Variants in CCR9 observed in about 807,000 individuals in gnomAD.
The protein encoded by CCR9 is C-C motif chemokine receptor 9.
A neutral mutation model predicts 8.7 loss-of-function variants in CCR9; 4 were observed. The observed-to-expected ratio is 0.46, with a 90% CI of 0.23 to 1.06. The LOEUF (loss-of-function observed/expected upper bound fraction) is 1.06. Among genes scored for constraint, CCR9 ranks in the 50% least tolerant of loss-of-function variants. The pLI is 0.21. For synonymous variants in CCR9, 159 were observed against 168.8 expected, an observed-to-expected ratio of 0.94 and a Z score of 0.45; for missense variants, 394 against 453.6, an observed-to-expected ratio of 0.87 and a Z score of 1.19.
In CCR9 at chr3:45,901,937, T is replaced by A; in HGVS notation, c.*39T>A. 6.6e-7 allele frequency: 1 copy of A among 1,508,514 alleles called. No homozygotes were observed. Among genetic ancestry groups the A allele is most frequent in the Non-Finnish European group, 8.9e-7 (1 of 1,122,626 alleles). 93.4% of individuals were successfully genotyped at this position (1,508,514 alleles called of 1,614,324 possible). On this transcript the variant is annotated 3_prime_UTR_variant, in exon 3 of 3. Transcript: ENST00000357632. This position sits in a 1 kb window ranked among gnomAD's most constrained non-coding sequence, Gnocchi z 4.3. ...AGGTGCATGGTTCTTTTGGAAGAAA[T>A]GAGAAATACAGAAACAGTTTCCCCA...
intron 2 of CCR9, among the ~76,000 whole-genome samples, chr3:45,896,707 A>C (rs1702368157): frequency 6.6e-6 from 1 of 152,134 alleles, no homozygotes; most frequent in Non-Finnish European, 1.5e-5. Context: ...ATACTTTCTC[A>C]AGTGTGGGGC....
intron 1 of CCR9, among the ~76,000 whole-genome samples, chr3:45,894,689 A>G (rs1052013877): frequency 6.6e-6 from 1 of 152,210 alleles, no homozygotes; most frequent in Non-Finnish European, 1.5e-5. Flanking sequence ...GAGTCAAAGA[A>G]GTGAATGATA....
intron 2 of CCR9, among the ~76,000 whole-genome samples, chr3:45,896,755 A>AT (rs1168199581): frequency 6.6e-6 from 1 of 151,860 alleles, no homozygotes; most frequent in African/African-American, 2.4e-5. Flanking sequence ...TAACAAATTC[A>AT]TTTTTTCCCC....
intron 2 of CCR9, among the ~76,000 whole-genome samples, chr3:45,897,002 A>G (rs1184589169): frequency 2.0e-5 from 3 of 152,188 alleles, no homozygotes; most frequent in African/African-American, 4.8e-5. Flanking sequence ...GGTGTTCACA[A>G]CTGGGACGCC....
chr3:45,894,850 G>A, intron 1 of CCR9, 56 bp from the exon 2 acceptor site: 1 of 1,252,080 alleles, frequency 8.0e-7, no homozygotes, highest in Non-Finnish European at 1.2e-6. Context: ...TTGGCATTTG[G>A]TTGTTACTAT....
chr3:45,897,433 G>C, intron 2 of CCR9: 1 of 696,022 alleles, frequency 1.4e-6, no homozygotes, highest in Non-Finnish European at 2.6e-6. Context: ...CTTCCAGCAG[G>C]ACACAATGTC....
rs145338853 is a variant in CCR9 at position 45,901,703 on chromosome 3, C to T, written c.915C>T (p.Ile305=). Residue 305 remains isoleucine, a synonymous_variant, in exon 3 of 3, where the codon ATC becomes ATT. Transcript: ENST00000357632. The surrounding 1 kb of genome is among the most constrained non-coding windows in gnomAD (Gnocchi z 4.3). ...TCTGCTTCCAGGTCACCCAGACCAT[C>T]GCCTTCTTCCACAGTTGCCTGAACC... ...IDICFQVTQT[I]AFFHSCLNPV... 5.6e-5 allele frequency: 90 copies of T among 1,614,170 alleles called. No homozygotes were observed. The highest frequency in any genetic ancestry group is 1.7e-4 in the African/African-American group (13 of 75,056).
intron 1 of CCR9, 142 bp from the exon 2 acceptor site, chr3:45,894,764 C>T: frequency 3.0e-6 from 2 of 661,826 alleles, no homozygotes; most frequent in South Asian, 3.5e-5. Context: ...ATCTAGAATA[C>T]TATATAGACT....
At chr3:45,896,597 T>C (rs1488371) in intron 2 of CCR9, among the ~76,000 whole-genome samples, 4 of 151,996 alleles carry the variant, frequency 2.6e-5, no homozygotes, top group Non-Finnish European at 4.4e-5. Flanking sequence ...TTTGGAGGAA[T>C]AGCCCTTGAG....
chr3:45,898,600 A>T (rs544129605), intron 2 of CCR9, among the ~76,000 whole-genome samples: 27 of 152,218 alleles, frequency 1.8e-4, no homozygotes, highest in Admixed American at 9.8e-4. Flanking sequence ...CATATTGGAG[A>T]TGGAGTCAGG....
chr3:45,891,706 C>T (rs1702186155), intron 1 of CCR9, among the ~76,000 whole-genome samples: 2 of 152,056 alleles, frequency 1.3e-5, no homozygotes, highest in Non-Finnish European at 2.9e-5. Context: ...TTTTTCCCCA[C>T]TCCAGGACCA....
chr3:45,896,504 T>C (rs903518780), intron 2 of CCR9, among the ~76,000 whole-genome samples: 7 of 152,180 alleles, frequency 4.6e-5, no homozygotes, highest in African/African-American at 1.7e-4. Context: ...TCCCTCAGCG[T>C]CACAGTAAAG....
In CCR9 at chr3:45,903,133, C is replaced by T. The variant is rs1477934078; in HGVS notation, c.*1235C>T. 1 of 167,010 alleles carries T rather than the reference C, an allele frequency of 6.0e-6. No homozygotes were observed. The highest frequency in any genetic ancestry group is 1.5e-5 in the Non-Finnish European group (1 of 68,120). The allele number at this position is 167,010 out of a possible 1,614,324, so 10.3% of individuals were successfully genotyped here. A position where few individuals can be genotyped will look rare whatever the true frequency, so the allele number is the denominator to read the frequency against. On this transcript the variant is annotated 3_prime_UTR_variant, in exon 3 of 3. Coordinates refer to ENST00000357632, the MANE Select transcript of CCR9 (RefSeq NM_031200.3). Reference sequence around the variant, plus strand: ...ACTTGTCACTTTCTTTACCCTGTCTCAATATTTTAAGTGTGTGCAATTAAA... The same window carrying T: ...ACTTGTCACTTTCTTTACCCTGTCTTAATATTTTAAGTGTGTGCAATTAAA...
intron 1 of CCR9, among the ~76,000 whole-genome samples, chr3:45,887,853 T>C (rs1702029872): frequency 6.6e-6 from 1 of 152,214 alleles, no homozygotes; most frequent in South Asian, 2.1e-4. Context: ...TCAGAGACCC[T>C]GCCTCGTGTA....
intron 1 of CCR9, among the ~76,000 whole-genome samples, chr3:45,894,635 G>T (rs1239102125): frequency 6.6e-6 from 1 of 152,166 alleles, no homozygotes; most frequent in African/African-American, 2.4e-5. Context: ...ACTAATTATT[G>T]TCTAAGTAGA....
chr3:45,895,672 C>T (rs1702330997), intron 2 of CCR9, among the ~76,000 whole-genome samples: 1 of 151,602 alleles, frequency 6.6e-6, no homozygotes, highest in Admixed American at 6.6e-5. Context: ...CAAGATCACG[C>T]CATTGCACTC....
At chr3:45,886,200 C>A (rs1045968089), upstream of CCR9, among the ~76,000 whole-genome samples, 1 of 152,056 alleles carries the variant, frequency 6.6e-6, no homozygotes, top group Non-Finnish European at 1.5e-5. Context: ...CAGGTGACAC[C>A]ACCTAAAGAA....
chr3:45,895,590 T>G (rs1702327941), intron 2 of CCR9, among the ~76,000 whole-genome samples: 1 of 152,096 alleles, frequency 6.6e-6, no homozygotes, highest in South Asian at 2.1e-4. Flanking sequence ...GGCATGCGCA[T>G]GTAATCCCAG....
At chr3:45,892,643 A>C (rs1255946132) in intron 1 of CCR9, among the ~76,000 whole-genome samples, 2 of 152,140 alleles carry the variant, frequency 1.3e-5, no homozygotes, top group African/African-American at 4.8e-5. Flanking sequence ...TGGCGAAATA[A>C]TCTATACACC....
Sources: allele counts gnomAD v4.1 joint callset (sites outside exome capture counted in the v4.1 genomes callset), GRCh38; gene constraint gnomAD v4.1.1; non-coding constraint Gnocchi (gnomAD v3.1); transcripts MANE v1.5; gene names NCBI Gene and HGNC (gene_info 2026-07-23, HGNC 2026-07-21).